TENM3: variants seen among roughly 807,000 people sequenced by gnomAD.
TENM3 encodes teneurin transmembrane protein 3, also known as teneurin-3.
TENM3 carries 63 observed loss-of-function variants against 255.1 expected under a neutral mutation model. That is an observed-to-expected ratio of 0.25 (90% confidence interval 0.20 to 0.30). The LOEUF (loss-of-function observed/expected upper bound fraction) is 0.30, where lower values mean the gene tolerates loss of function less well. TENM3 is among the 10% of genes least tolerant of loss of function. The pLI is 1.00. For synonymous variants in TENM3, 1,306 were observed against 1,322.3 expected (o/e 0.99, Z 0.27); for missense variants, 2,929 against 3,461.1 (o/e 0.85, Z 3.86).
At chr4:182,568,798 A>C (rs892351035) in intron 3 of TENM3, among the ~76,000 whole-genome samples, 2 of 152,266 alleles carry the variant, frequency 1.3e-5, no homozygotes, top group African/African-American at 4.8e-5. Context: ...TTAAACAATA[A>C]AAAAGAACAA....
chr4:182,053,932 A>C, the TENM3 span, among the ~76,000 whole-genome samples: 1 of 152,134 alleles, frequency 6.6e-6, no homozygotes, highest in Non-Finnish European at 1.5e-5. Flanking sequence ...TAGCTTTGAC[A>C]CTTGATGCAG....
chr4:182,066,405 T>C, the TENM3 span, among the ~76,000 whole-genome samples: 3,320 of 152,072 alleles, frequency 0.022, 114 homozygotes, highest in African/African-American at 0.076. Flanking sequence ...ATGATGTCAA[T>C]AACAACAACA....
chr4:182,225,529 A>T (rs1325244033), intron 1 of TENM3, among the ~76,000 whole-genome samples: 1 of 152,174 alleles, frequency 6.6e-6, no homozygotes, highest in Non-Finnish European at 1.5e-5. Flanking sequence ...GGGTTGTGGC[A>T]TGTGGAATGG....
the TENM3 span, among the ~76,000 whole-genome samples, chr4:181,561,947 C>A: frequency 2.6e-5 from 4 of 152,120 alleles, no homozygotes; most frequent in South Asian, 2.1e-4. Flanking sequence ...TGGATCCTTG[C>A]GAATTGTGGG....
the TENM3 span, among the ~76,000 whole-genome samples, chr4:181,516,330 C>G: frequency 0.13 from 18,898 of 149,644 alleles, 1,369 homozygotes; most frequent in East Asian, 0.18. Flanking sequence ...ATGTAACATA[C>G]CTGCACATCT....
At chr4:182,616,221 G>C (rs1270873281) in intron 4 of TENM3, among the ~76,000 whole-genome samples, 1 of 152,128 alleles carries the variant, frequency 6.6e-6, no homozygotes, top group African/African-American at 2.4e-5. Flanking sequence ...AACTGTTTTC[G>C]TGTAAAAGAT....
the TENM3 span, among the ~76,000 whole-genome samples, chr4:182,126,269 AT>A: frequency 1.3e-5 from 2 of 152,156 alleles, no homozygotes; most frequent in Non-Finnish European, 2.9e-5. Context: ...CCCAAAGTCA[AT>A]CGTAGATCCC....
the TENM3 span, among the ~76,000 whole-genome samples, chr4:181,621,482 A>G: frequency 1.3e-3 from 200 of 152,308 alleles, no homozygotes; most frequent in Non-Finnish European, 2.5e-4. Flanking sequence ...TAACATATCA[A>G]TTAACTTTAA....
At chr4:182,186,178 A>T (rs902122857) in intron 1 of TENM3, among the ~76,000 whole-genome samples, 49 of 152,308 alleles carry the variant, frequency 3.2e-4, no homozygotes, top group African/African-American at 1.1e-3. Context: ...GTGTGTGCAC[A>T]CTCATGCAAG....
chr4:181,856,135 AG>A, the TENM3 span, among the ~76,000 whole-genome samples: 1 of 115,370 alleles, frequency 8.7e-6, no homozygotes, highest in African/African-American at 3.1e-5. Flanking sequence ...GAAAGAAGGA[AG>A]AAGGAAGGAA....
At chr4:181,713,675 CCAAGATTGAGAACCAGTAGA>C in the TENM3 span, among the ~76,000 whole-genome samples, 3 of 152,154 alleles carry the variant, frequency 2.0e-5, no homozygotes, top group African/African-American at 7.2e-5. Context: ...GTTTGGGCCA[CCAAGATTGAGAACCAGTAGA>C]CTAGATATCC....
chr4:182,131,823 A>C, the TENM3 span, among the ~76,000 whole-genome samples: 1 of 152,192 alleles, frequency 6.6e-6, no homozygotes, highest in South Asian at 2.1e-4. Context: ...TTCACTCCCT[A>C]AGGTGTTCTA....
At chr4:182,062,655 C>G in the TENM3 span, among the ~76,000 whole-genome samples, 1 of 152,286 alleles carries the variant, frequency 6.6e-6, no homozygotes, top group African/African-American at 2.4e-5. Context: ...TCATAGAGAA[C>G]AGTAAATTGC....
At chr4:182,132,759 A>G in the TENM3 span, among the ~76,000 whole-genome samples, 3 of 152,208 alleles carry the variant, frequency 2.0e-5, no homozygotes, top group Non-Finnish European at 2.9e-5. Flanking sequence ...GTAAGATTTT[A>G]TATGGGTGTG....
chr4:182,779,842 C>T (rs923062331), intron 24 of TENM3, among the ~76,000 whole-genome samples: 1 of 152,158 alleles, frequency 6.6e-6, no homozygotes, highest in Non-Finnish European at 1.5e-5. Context: ...TGTTTTTTGG[C>T]TGCATAAATG....
At chr4:182,467,457 G>A (rs1021956512) in intron 3 of TENM3, among the ~76,000 whole-genome samples, 16 of 152,166 alleles carry the variant, frequency 1.1e-4, no homozygotes, top group South Asian at 4.2e-4. Flanking sequence ...AACACATGAC[G>A]TATTTATCTG....
At chr4:181,514,974 A>G in the TENM3 span, among the ~76,000 whole-genome samples, 4 of 152,328 alleles carry the variant, frequency 2.6e-5, no homozygotes, top group African/African-American at 7.2e-5. Flanking sequence ...AAACGATGTT[A>G]GGTGAATTCT....
intron 4 of TENM3, among the ~76,000 whole-genome samples, chr4:182,607,500 TTAAC>T (rs1409139798): frequency 6.6e-6 from 1 of 152,230 alleles, no homozygotes; most frequent in African/African-American, 2.4e-5. Context: ...AAACATTTAA[TTAAC>T]TAAAGTAATA....
At chr4:181,881,479 A>G in the TENM3 span, among the ~76,000 whole-genome samples, 13 of 152,120 alleles carry the variant, frequency 8.5e-5, no homozygotes, top group African/African-American at 3.1e-4. Context: ...TTATCAGGAA[A>G]AAGTGATATT....
Sources: gnomAD v4.1 joint callset for allele counts (sites outside exome capture counted in the v4.1 genomes callset) on GRCh38, gnomAD v4.1.1 for gene constraint, MANE v1.5 for transcripts, NCBI Gene and HGNC (gene_info 2026-07-23, HGNC 2026-07-21) for gene names.